Variants in STAG1 observed in about 807,000 individuals in gnomAD.
STAG1 encodes cohesin subunit SA-1.
A neutral mutation model predicts 170.9 loss-of-function variants in STAG1; 26 were observed. That is an observed-to-expected ratio of 0.15 (90% CI 0.11 to 0.21). STAG1 has a LOEUF of 0.21. Among genes scored for constraint, STAG1 ranks in the 10% least tolerant of loss-of-function variants. The probability of loss-of-function intolerance (pLI) is 1.00; values close to 1 mark genes in which losing one functional copy is unlikely to be tolerated. For missense variants in STAG1, 964 were observed against 1,509.5 expected (o/e 0.64, Z 5.99); for synonymous variants, 514 against 497.7 (o/e 1.03, Z -0.44).
At chr3:136,713,531 C>A (rs1256495436) in intron 1 of STAG1, among the ~76,000 whole-genome samples, 1 of 150,840 alleles carries the variant, frequency 6.6e-6, no homozygotes, top group Non-Finnish European at 1.5e-5. Context: ...TGCACTGAGC[C>A]GAGATCATGC....
At chr3:136,696,860 G>A (rs1942910860) in intron 1 of STAG1, among the ~76,000 whole-genome samples, 1 of 152,136 alleles carries the variant, frequency 6.6e-6, no homozygotes, top group South Asian at 2.1e-4. Flanking sequence ...CTGTTGCTAG[G>A]ACCTGAGGTT....
At chr3:136,731,454 T>C (rs563509697) in intron 1 of STAG1, among the ~76,000 whole-genome samples, 2 of 152,334 alleles carry the variant, frequency 1.3e-5, no homozygotes, top group East Asian at 3.9e-4. Flanking sequence ...CAAGTATCTT[T>C]AGGCAGGGTA....
intron 13 of STAG1, among the ~76,000 whole-genome samples, chr3:136,459,426 C>T (rs936264485): frequency 1.3e-5 from 2 of 151,934 alleles, no homozygotes; most frequent in Non-Finnish European, 2.9e-5. Flanking sequence ...GGGACTTCAA[C>T]GTGCAATTTT....
chr3:136,374,640 T>G (rs1320860392), intron 23 of STAG1, among the ~76,000 whole-genome samples: 2 of 151,888 alleles, frequency 1.3e-5, no homozygotes, highest in African/African-American at 2.4e-5. Flanking sequence ...TTTTTTTTTT[T>G]GTACAGCTGT....
intron 21 of STAG1, among the ~76,000 whole-genome samples, chr3:136,415,520 AG>A (rs2087746229): frequency 6.6e-6 from 1 of 152,206 alleles, no homozygotes; most frequent in South Asian, 2.1e-4. Context: ...AACCTTAAAA[AG>A]TGAGCTTGCA....
chr3:136,600,875 GT>G (rs1938639933), intron 4 of STAG1, among the ~76,000 whole-genome samples: 3 of 70,680 alleles, frequency 4.2e-5, no homozygotes, highest in East Asian at 4.5e-4. Context: ...TGTTTGTTTT[GT>G]TTTGTTTTGT....
At chr3:136,739,082 A>G (rs1275146075) in intron 1 of STAG1, among the ~76,000 whole-genome samples, 2 of 152,244 alleles carry the variant, frequency 1.3e-5, no homozygotes, top group Admixed American at 1.3e-4. Context: ...TTCAAAATGC[A>G]AAGTATTTCA....
intron 1 of STAG1, among the ~76,000 whole-genome samples, chr3:136,714,500 A>G (rs1416053636): frequency 1.3e-5 from 2 of 152,030 alleles, no homozygotes; most frequent in East Asian, 1.9e-4. Flanking sequence ...AGGCCGAGGC[A>G]GGTGGATCAC....
At chr3:136,699,046 A>G (rs551489748) in intron 1 of STAG1, among the ~76,000 whole-genome samples, 1 of 152,214 alleles carries the variant, frequency 6.6e-6, no homozygotes, top group East Asian at 1.9e-4. Flanking sequence ...GATATAATGA[A>G]CTTTGGGGAT....
chr3:136,408,652 T>C (rs901300624), intron 21 of STAG1, among the ~76,000 whole-genome samples: 3 of 152,102 alleles, frequency 2.0e-5, no homozygotes, highest in Admixed American at 6.6e-5. Flanking sequence ...AGATTAAGGA[T>C]TGCTTGTAGC....
At chr3:136,522,510 C>T (rs1413885283) in intron 6 of STAG1, among the ~76,000 whole-genome samples, 1 of 150,842 alleles carries the variant, frequency 6.6e-6, no homozygotes, top group Admixed American at 6.7e-5. Flanking sequence ...CACAAAACCC[C>T]ACTATAGTAG....
rs1313824886 is a variant in STAG1 at position 136,443,333 on chromosome 3, T to C, written c.1500A>G (p.Glu500=). ...CTTCTAATAGCAACTCTGTCATACA[T>C]TCCCAGTCTTTCAACAGTTCTTGAG... ...ESSQELLKDW[E]CMTELLLEEP... The change falls in exon 15 of 34, where the codon GAA becomes GAG. Residue 500 remains glutamate, a synonymous_variant. Transcript: ENST00000383202. The C allele has an allele frequency of 5.0e-6, 8 of 1,613,808 alleles. No homozygotes were observed. The African/African-American group carries it at 5.3e-5, about 11-fold the overall frequency.
chr3:136,669,547 T>C (rs1189264861), intron 1 of STAG1, among the ~76,000 whole-genome samples: 1 of 151,876 alleles, frequency 6.6e-6, no homozygotes, highest in Non-Finnish European at 1.5e-5. Flanking sequence ...TTTGTAGAGA[T>C]AGGGTCTCAC....
intron 5 of STAG1, among the ~76,000 whole-genome samples, chr3:136,545,856 C>T (rs1318383095): frequency 1.3e-5 from 2 of 152,156 alleles, no homozygotes; most frequent in Non-Finnish European, 2.9e-5. Context: ...CACTTTATAA[C>T]AGTCCTTGTG....
chr3:136,629,644 C>G (rs565702456), intron 2 of STAG1, among the ~76,000 whole-genome samples: 1 of 151,956 alleles, frequency 6.6e-6, no homozygotes, highest in Admixed American at 6.6e-5. Flanking sequence ...TTGGATAGCT[C>G]TGTGTCTTAG....
rs59016969 is a variant in STAG1 at position 136,517,682 on chromosome 3, CCA to C, written c.676+3529_676+3530del. 6.8e-3 allele frequency among the ~76,000 whole-genome samples: 1,031 copies of C among 151,888 alleles called. 15 individuals are homozygous for C. The highest frequency in any genetic ancestry group is 0.024 in the African/African-American group (982 of 41,426). On this transcript the variant is annotated intron_variant, in intron 7 of 33. Transcript: ENST00000383202. Reference sequence around the variant, plus strand: ...ATCAAATTTGAAAATAAAAAAGTTCCCAGTCTCAGATTGTAAATCCACCAAAA... The same window carrying C: ...ATCAAATTTGAAAATAAAAAAGTTCCGTCTCAGATTGTAAATCCACCAAAA...
intron 9 of STAG1, among the ~76,000 whole-genome samples, chr3:136,478,187 T>C (rs983297832): frequency 6.6e-6 from 1 of 152,198 alleles, no homozygotes; most frequent in Non-Finnish European, 1.5e-5. Flanking sequence ...AATAATATAT[T>C]TTTTAGGCTG....
intron 1 of STAG1, among the ~76,000 whole-genome samples, chr3:136,669,831 T>C (rs535975606): frequency 2.0e-5 from 3 of 152,296 alleles, no homozygotes; most frequent in Non-Finnish European, 2.9e-5. Context: ...TATTAACTAG[T>C]AGGAAAAACC....
chr3:136,714,825 C>G (rs1251700251), intron 1 of STAG1, among the ~76,000 whole-genome samples: 1 of 148,038 alleles, frequency 6.8e-6, no homozygotes, highest in Admixed American at 6.7e-5. Flanking sequence ...GGCAAGATCA[C>G]TTGAACCTGG....
Sources: allele counts gnomAD v4.1 joint callset (sites outside exome capture counted in the v4.1 genomes callset), GRCh38; gene constraint gnomAD v4.1.1; transcripts MANE v1.5; gene names NCBI Gene and HGNC (gene_info 2026-07-23, HGNC 2026-07-21).